The following COL28A1 variants were observed in gnomAD, a reference collection of about 807,000 sequenced individuals.
COL28A1 encodes collagen alpha-1(XXVIII) chain.
A neutral mutation model predicts 150.2 loss-of-function variants in COL28A1; 161 were observed. The observed-to-expected ratio is 1.07, with a 90% CI of 0.94 to 1.22. The LOEUF (loss-of-function observed/expected upper bound fraction) is 1.22, where lower values mean the gene tolerates loss of function less well. COL28A1 is among the 50% of genes most tolerant of loss of function. COL28A1 has a pLI of 0.00. For synonymous variants in COL28A1, 552 were observed against 469.7 expected, an observed-to-expected ratio of 1.18 and a Z score of -2.26; for missense variants, 1,617 against 1,388.3, an observed-to-expected ratio of 1.16 and a Z score of -2.62.
chr7:7,440,886 A>G, intron 20 of COL28A1, 25 bp from the exon 21 acceptor site: 3 of 1,215,586 alleles, frequency 2.5e-6, no homozygotes, highest in Non-Finnish European at 3.7e-6. Context: ...ATGAAAATAT[A>G]GATTTTCGTA....
At chr7:7,495,902 C>A (rs536014369) in intron 11 of COL28A1, among the ~76,000 whole-genome samples, 29 of 152,296 alleles carry the variant, frequency 1.9e-4, no homozygotes, top group African/African-American at 6.5e-4. Flanking sequence ...CCTTACAAGG[C>A]CCTGCCTCTC....
At chr7:7,411,097 A>G (rs1010107829) in intron 27 of COL28A1, among the ~76,000 whole-genome samples, 2 of 152,212 alleles carry the variant, frequency 1.3e-5, no homozygotes, top group Non-Finnish European at 2.9e-5. Context: ...GATTTCCACT[A>G]CAGAATCCTG....
intron 20 of COL28A1, 140 bp downstream of exon 20, chr7:7,443,445 T>C (rs1304880670): frequency 7.6e-6 from 10 of 1,307,736 alleles, no homozygotes; most frequent in Non-Finnish European, 1.0e-5. Context: ...TCCAAAAGCT[T>C]CCAAGACAGT....
chr7:7,338,872 G>T, the COL28A1 span, among the ~76,000 whole-genome samples: 1 of 152,078 alleles, frequency 6.6e-6, no homozygotes, highest in Non-Finnish European at 1.5e-5. Flanking sequence ...TCATGATGAG[G>T]CCTCAAGAGA....
At chr7:7,339,065 T>C in the COL28A1 span, among the ~76,000 whole-genome samples, 1 of 152,034 alleles carries the variant, frequency 6.6e-6, no homozygotes, top group South Asian at 2.1e-4. Flanking sequence ...AATGCACGAG[T>C]GAGCACAGCC....
chr7:7,408,519 G>T (rs770002048), intron 27 of COL28A1, among the ~76,000 whole-genome samples: 1 of 152,158 alleles, frequency 6.6e-6, no homozygotes, highest in Non-Finnish European at 1.5e-5. Context: ...ATTTGTCACA[G>T]AGGATTGCAG....
chr7:7,397,107 G>A (rs1406180771), intron 27 of COL28A1, among the ~76,000 whole-genome samples: 1 of 152,146 alleles, frequency 6.6e-6, no homozygotes, highest in Non-Finnish European at 1.5e-5. Flanking sequence ...TACAGTTCTG[G>A]AAGTCAGAAG....
At chr7:7,410,459 T>G (rs1583310943) in intron 27 of COL28A1, among the ~76,000 whole-genome samples, 1 of 152,192 alleles carries the variant, frequency 6.6e-6, no homozygotes, top group East Asian at 1.9e-4. Context: ...AGTCATCGTG[T>G]GAATTTCAAA....
At chr7:7,462,935 A>C (rs1239653784) in intron 15 of COL28A1, among the ~76,000 whole-genome samples, 1 of 152,010 alleles carries the variant, frequency 6.6e-6, no homozygotes, top group African/African-American at 2.4e-5. Flanking sequence ...TTAACAAGCA[A>C]AAGGAAGACC....
intron 27 of COL28A1, among the ~76,000 whole-genome samples, chr7:7,394,595 A>G (rs1009257674): frequency 1.3e-5 from 2 of 152,156 alleles, no homozygotes; most frequent in African/African-American, 4.8e-5. Context: ...TGCTATAGCT[A>G]TGGAGGGTCA....
intron 33 of COL28A1, among the ~76,000 whole-genome samples, chr7:7,369,115 A>C (rs1282572642): frequency 1.3e-5 from 2 of 152,210 alleles, no homozygotes; most frequent in Non-Finnish European, 2.9e-5. Flanking sequence ...TCCTGGATGA[A>C]ACCTGAGCTT....
the COL28A1 span, among the ~76,000 whole-genome samples, chr7:7,542,404 A>G: frequency 6.6e-6 from 1 of 152,234 alleles, no homozygotes; most frequent in Non-Finnish European, 1.5e-5. Context: ...AATAGAGCAA[A>G]TATGTTCATT....
chr7:7,500,701 C>T (rs950803577), intron 11 of COL28A1, among the ~76,000 whole-genome samples: 37 of 150,526 alleles, frequency 2.5e-4, no homozygotes, highest in African/African-American at 9.0e-4. Flanking sequence ...TGTGTAGGGA[C>T]GTTTAGCATG....
intron 5 of COL28A1, 120 bp from the exon 6 acceptor site, chr7:7,520,235 G>C (rs1246412867): frequency 3.7e-6 from 2 of 545,060 alleles, no homozygotes; most frequent in African/African-American, 1.9e-5. Flanking sequence ...ACCTTTACCT[G>C]CCAAGCAGAA....
chr7:7,370,701 A>T, intron 33 of COL28A1, 24 bp downstream of exon 33: 1 of 1,582,888 alleles, frequency 6.3e-7, no homozygotes, highest in Middle Eastern at 1.7e-4. Flanking sequence ...TTAAGCTCAC[A>T]AAGTAAGTGA....
chr7:7,453,844 A>G (rs1450028400), intron 16 of COL28A1, among the ~76,000 whole-genome samples: 1 of 150,078 alleles, frequency 6.7e-6, no homozygotes, highest in Admixed American at 6.6e-5. Context: ...AAGAAGAGGT[A>G]TGCCTTCTCC....
intron 8 of COL28A1, 129 bp from the exon 9 acceptor site, chr7:7,511,264 A>G: frequency 1.5e-6 from 1 of 682,978 alleles, no homozygotes; most frequent in East Asian, 2.9e-5. Flanking sequence ...GTTTCTACAC[A>G]ATATTAGCCT....
intron 11 of COL28A1, among the ~76,000 whole-genome samples, chr7:7,494,626 T>C (rs750682554): frequency 3.3e-5 from 5 of 152,224 alleles, no homozygotes; most frequent in African/African-American, 4.8e-5. Flanking sequence ...AAACTAATAA[T>C]AGGTAAATAA....
chr7:7,452,491 GT>G, intron 17 of COL28A1, 104 bp from the exon 18 acceptor site: 1 of 1,436,332 alleles, frequency 7.0e-7, no homozygotes, highest in Non-Finnish European at 9.1e-7. Flanking sequence ...ACAGTTTCAT[GT>G]GCTCAATTCA....
Sources: allele counts gnomAD v4.1 joint callset (sites outside exome capture counted in the v4.1 genomes callset), GRCh38; gene constraint gnomAD v4.1.1; transcripts MANE v1.5; gene names NCBI Gene and HGNC (gene_info 2026-07-23, HGNC 2026-07-21).